The following SHCBP1 variants were observed in gnomAD, a reference collection of about 807,000 sequenced individuals.
SHCBP1 encodes SHC binding and spindle associated 1, also known as SHC SH2 domain-binding protein 1.
A neutral mutation model predicts 75.1 loss-of-function variants in SHCBP1; 60 were observed. That is an observed-to-expected ratio of 0.80 (90% confidence interval 0.65 to 0.99). SHCBP1 has a LOEUF of 0.99. SHCBP1 is among the 50% of genes least tolerant of loss of function. The pLI, the probability that SHCBP1 is intolerant of heterozygous loss-of-function variation, is 0.00. For missense variants in SHCBP1, 709 were observed against 809.4 expected (o/e 0.88, Z 1.50); for synonymous variants, 290 against 293.2 (o/e 0.99, Z 0.11).
At chr16:46,621,166 G>A in intron 1 of SHCBP1, 91 bp downstream of exon 1, 2 of 1,207,470 alleles carry the variant, frequency 1.7e-6, no homozygotes, top group East Asian at 2.6e-5. Context: ...GACGGGTCCG[G>A]AAGGCCCGCG....
intron 4 of SHCBP1, among the ~76,000 whole-genome samples, chr16:46,615,089 G>C (rs1186829510): frequency 4.6e-5 from 7 of 152,306 alleles, no homozygotes; most frequent in Non-Finnish European, 7.4e-5. Context: ...TGGTGAAGAT[G>C]ATGAGGATAA....
In SHCBP1 at chr16:46,604,146, T is replaced by C. The variant is rs189062018; in HGVS notation, c.924-3A>G. On this transcript the variant is annotated splice_region_variant and splice_polypyrimidine_tract_variant and intron_variant, in intron 6 of 12. Transcript: ENST00000303383. ...TCTTCTGATAACCAAACACATACCT[T>C]AAAGAAACGAAACAGGCCTATCAGT... 6.2e-7 allele frequency: 1 copy of C among 1,613,646 alleles called. No individual in the cohort carries two copies. Among genetic ancestry groups the C allele is most frequent in the Non-Finnish European group, 8.5e-7 (1 of 1,179,894 alleles).
chr16:46,621,123 G>A, intron 1 of SHCBP1, 134 bp downstream of exon 1: 1 of 739,584 alleles, frequency 1.4e-6, no homozygotes, highest in South Asian at 2.1e-5. Flanking sequence ...ACTGGGTCCC[G>A]GCCGCGCACC....
chr16:46,583,709 G>C (rs768024580), intron 11 of SHCBP1, 52 bp from the exon 12 acceptor site: 221 of 1,563,718 alleles, frequency 1.4e-4, no homozygotes, highest in Non-Finnish European at 1.8e-4. Context: ...AACATTTCCT[G>C]CCTTAAAAAT....
chr16:46,597,612 G>T (rs968135788), intron 9 of SHCBP1, among the ~76,000 whole-genome samples: 1 of 152,150 alleles, frequency 6.6e-6, no homozygotes, highest in African/African-American at 2.4e-5. Flanking sequence ...TGCTGGTGGA[G>T]GGTCTTACCT....
At chr16:46,617,977 A>C (rs1596692261) in intron 2 of SHCBP1, among the ~76,000 whole-genome samples, 1 of 152,340 alleles carries the variant, frequency 6.6e-6, no homozygotes, top group East Asian at 1.9e-4. Context: ...CGGGAGTTCA[A>C]GACCAGCCTG....
At chr16:46,584,126 T>G in intron 10 of SHCBP1, 37 bp from the exon 11 acceptor site, 1 of 1,474,768 alleles carries the variant, frequency 6.8e-7, no homozygotes, top group Non-Finnish European at 9.3e-7. Flanking sequence ...CAATCAGTTT[T>G]TAAAAGGCAA....
chr16:46,584,633 G>A (rs4967247), intron 10 of SHCBP1, among the ~76,000 whole-genome samples: 142,565 of 152,240 alleles, frequency 0.94, 67,359 homozygotes, highest in East Asian at 1. Context: ...TACCACACAC[G>A]TTAACATCAG....
chr16:46,617,500 G>T, intron 3 of SHCBP1, 134 bp downstream of exon 3: 1 of 486,208 alleles, frequency 2.1e-6, no homozygotes, highest in South Asian at 2.6e-5. Context: ...CTACAACATG[G>T]CAATTAGATG....
In SHCBP1 at chr16:46,595,668, C is replaced by T. The variant is rs759691750; in HGVS notation, c.1348G>A (p.Val450Ile). 2.1e-5 allele frequency: 34 copies of T among 1,611,558 alleles called. No homozygotes were observed. The highest frequency in any genetic ancestry group is 9.3e-5 in the African/African-American group (7 of 74,888). ...QHDAVEGILI[V>I]HRGKTTLENC... ...TCCAGCGTAGTCTTACCACGGTGAA[C>T]AACTGGGATGAAAATACACGCTGAC... is the stretch of plus-strand genomic sequence containing the variant. Residue 450 changes from valine (V) to isoleucine (I), a missense_variant and splice_region_variant, in exon 10 of 13, where the codon GTT becomes ATT. Transcript: ENST00000303383.
rs1243231733 is a variant in SHCBP1 at position 46,611,680 on chromosome 16, C to G, written c.597-3291G>C. ...TAGAAACTTTAACTTTTGTTTATAT[C>G]AGTCAGCCTATGGTAAAATTGGTTT... On this transcript the variant is annotated intron_variant, in intron 4 of 12. Transcript: ENST00000303383. 2.0e-5 allele frequency among the ~76,000 whole-genome samples: 3 copies of G among 152,098 alleles called. No homozygotes were observed. In the East Asian group the frequency reaches 5.8e-4, roughly 29 times the overall value.
At chr16:46,593,228 C>T (rs1965079804) in intron 10 of SHCBP1, among the ~76,000 whole-genome samples, 1 of 151,896 alleles carries the variant, frequency 6.6e-6, no homozygotes, top group Non-Finnish European at 1.5e-5. Flanking sequence ...AAGGAATCTA[C>T]AAAAACATTC....
Position 46,617,716 on chromosome 16 carries a change from G to A in SHCBP1, c.305C>T (p.Thr102Ile). 11 of 1,612,910 alleles carry A rather than the reference G, an allele frequency of 6.8e-6. No homozygotes were observed. The highest frequency in any genetic ancestry group is 9.3e-6 in the Non-Finnish European group (11 of 1,180,010). The change falls in exon 3 of 13, where the codon ACA (threonine) becomes ATA (isoleucine). Residue 102 changes from threonine (T) to isoleucine (I), a missense_variant. Physicochemically the swap from Thr to Ile is moderately conservative, Grantham distance 89. Coordinates refer to ENST00000303383, the MANE Select transcript of SHCBP1 (RefSeq NM_024745.5). Reference sequence around the variant, plus strand: ...AAGGACCTTCTCCAAGAACTCAGCTGTGAATTCCTGTACCTCAGAGGCCTT... The same window carrying A: ...AAGGACCTTCTCCAAGAACTCAGCTATGAATTCCTGTACCTCAGAGGCCTT... ...DCKASEVQEFTAEFLEKVLEP... is the reference protein window; with the variant it reads ...DCKASEVQEFIAEFLEKVLEP...
intron 4 of SHCBP1, among the ~76,000 whole-genome samples, chr16:46,614,798 C>A (rs1397945631): frequency 1.3e-5 from 2 of 152,200 alleles, no homozygotes; most frequent in African/African-American, 4.8e-5. Flanking sequence ...GACCATAAGC[C>A]TTAACATCCA....
At chr16:46,612,316 GT>G (rs1965428877) in intron 4 of SHCBP1, among the ~76,000 whole-genome samples, 1 of 152,326 alleles carries the variant, frequency 6.6e-6, no homozygotes, top group East Asian at 1.9e-4. Flanking sequence ...GGGTAGAAGA[GT>G]TACTGAGACA....
intron 9 of SHCBP1, among the ~76,000 whole-genome samples, chr16:46,599,557 A>G (rs1242294540): frequency 6.7e-6 from 1 of 150,046 alleles, no homozygotes; most frequent in Non-Finnish European, 1.5e-5. Context: ...CATATTATCT[A>G]TATTGTGAGA....
chr16:46,618,952 TAAGA>T (rs1301855064), intron 1 of SHCBP1, among the ~76,000 whole-genome samples: 2 of 152,222 alleles, frequency 1.3e-5, no homozygotes, highest in South Asian at 2.1e-4. Context: ...AAAGCTCCTT[TAAGA>T]AAGGGAGCTG....
intron 5 of SHCBP1, among the ~76,000 whole-genome samples, chr16:46,607,394 G>A (rs1020696829): frequency 6.6e-6 from 1 of 152,068 alleles, no homozygotes; most frequent in Admixed American, 6.5e-5. Flanking sequence ...AAATTACTGG[G>A]ATTACAGGTG....
chr16:46,581,408 C>A lies in SHCBP1; in HGVS notation c.*321G>T. On this transcript the variant is annotated 3_prime_UTR_variant, in exon 13 of 13. Transcript: ENST00000303383. ...AGTCTTGCATTCCCTTCCTTACTTCCTCGTCTTTGAAGTGCTAAAGGTAAT... is the reference window on the plus strand; with the variant it reads ...AGTCTTGCATTCCCTTCCTTACTTCATCGTCTTTGAAGTGCTAAAGGTAAT... 3.8e-6 allele frequency: 1 copy of A among 263,604 alleles called. No individual in the cohort carries two copies. Among genetic ancestry groups the A allele is most frequent in the Non-Finnish European group, 7.2e-6 (1 of 138,340 alleles). The allele number at this position is 263,604 out of a possible 1,614,324, so 16.3% of individuals were successfully genotyped here. A position where few individuals can be genotyped will look rare whatever the true frequency, so the allele number is the denominator to read the frequency against.
Sources: gnomAD v4.1 joint callset for allele counts (sites outside exome capture counted in the v4.1 genomes callset) on GRCh38, gnomAD v4.1.1 for gene constraint, MANE v1.5 for transcripts, NCBI Gene and HGNC (gene_info 2026-07-23, HGNC 2026-07-21) for gene names.